Variants in CEP135 observed in about 807,000 individuals in gnomAD.
The protein encoded by CEP135 is centrosomal protein of 135 kDa.
A neutral mutation model predicts 157.3 loss-of-function variants in CEP135; 142 were observed. That is an observed-to-expected ratio of 0.90 (90% CI 0.79 to 1.04). The LOEUF (loss-of-function observed/expected upper bound fraction) is 1.04. CEP135 is among the 50% of genes least tolerant of loss of function. CEP135 has a pLI of 0.00. For missense variants in CEP135, 1,317 were observed against 1,309.2 expected, an observed-to-expected ratio of 1.01 and a Z score of -0.09; for synonymous variants, 396 against 439.8, an observed-to-expected ratio of 0.90 and a Z score of 1.25.
At chr4:55,954,065 A>G in intron 3 of CEP135, 151 bp from the exon 4 acceptor site, 1 of 603,258 alleles carries the variant, frequency 1.7e-6, no homozygotes, top group Non-Finnish European at 2.8e-6. Context: ...TGTTAATAAT[A>G]GTAGAAGAAG....
intron 3 of CEP135, among the ~76,000 whole-genome samples, chr4:55,953,922 T>C (rs1280180291): frequency 6.6e-6 from 1 of 152,218 alleles, no homozygotes; most frequent in African/African-American, 2.4e-5. Flanking sequence ...CTTTATCTAA[T>C]CCATGGTATG....
At chr4:55,988,217 G>C (rs901779355) in intron 14 of CEP135, among the ~76,000 whole-genome samples, 1 of 146,518 alleles carries the variant, frequency 6.8e-6, no homozygotes, top group South Asian at 2.4e-4. Context: ...ATCCCAATAA[G>C]AGTGTGGGGG....
chr4:55,972,486 T>C lies in CEP135; in HGVS notation c.1249+1078T>C, dbSNP rs569163871. ...GGAAATGGCACGTGCAGAAACTTGG[T>C]ACCATCAAACTCTGTGTGTCTTAGG... On this transcript the variant is annotated intron_variant, in intron 10 of 25. Transcript: ENST00000257287. 1.4e-4 allele frequency among the ~76,000 whole-genome samples: 21 copies of C among 152,336 alleles called. No homozygotes were observed. In the East Asian group the frequency reaches 3.7e-3, roughly 27 times the overall value.
intron 10 of CEP135, among the ~76,000 whole-genome samples, chr4:55,972,011 G>A (rs1002001966): frequency 3.9e-5 from 6 of 152,090 alleles, no homozygotes; most frequent in Non-Finnish European, 1.5e-5. Flanking sequence ...TTAACTGGGC[G>A]TGGTGGCATG....
At chr4:56,009,643 A>G in intron 18 of CEP135, 92 bp from the exon 19 acceptor site, 2 of 1,106,472 alleles carry the variant, frequency 1.8e-6, no homozygotes, top group South Asian at 1.6e-5. Context: ...GTATATTTGT[A>G]TTCTAAGTAT....
At chr4:55,950,927 GCAGCCCGCCTCACCTCCC>G (rs1480222243) in intron 1 of CEP135, among the ~76,000 whole-genome samples, 1 of 152,154 alleles carries the variant, frequency 6.6e-6, no homozygotes, top group Non-Finnish European at 1.5e-5. Flanking sequence ...CGGGCAATCT[GCAGCCCGCCTCACCTCCC>G]CAGACAACTC....
rs192775553 is a variant in CEP135 at position 55,988,402 on chromosome 4, G to A, written c.1857+3044G>A. On this transcript the variant is annotated intron_variant, in intron 14 of 25. Coordinates refer to ENST00000257287, the MANE Select transcript of CEP135 (RefSeq NM_025009.5). Reference sequence around the variant, plus strand: ...AGGCTGGGCATGATGGCTTACGCTTGTAATCCTAGCTCTTTGGGAGTCAGA... The same window carrying A: ...AGGCTGGGCATGATGGCTTACGCTTATAATCCTAGCTCTTTGGGAGTCAGA... 5.9e-5 allele frequency among the ~76,000 whole-genome samples: 9 copies of A among 152,324 alleles called. No individual in the cohort carries two copies. In the East Asian group the frequency reaches 1.5e-3, roughly 26 times the overall value.
chr4:56,013,570 AT>A (rs1043347206), intron 21 of CEP135, among the ~76,000 whole-genome samples: 3 of 152,088 alleles, frequency 2.0e-5, no homozygotes, highest in Non-Finnish European at 4.4e-5. Context: ...GCCCAGCATC[AT>A]TTTTTTGCAT....
intron 24 of CEP135, among the ~76,000 whole-genome samples, chr4:56,023,992 G>A (rs1731066520): frequency 7.2e-6 from 1 of 139,568 alleles, no homozygotes; most frequent in Admixed American, 7.4e-5. Flanking sequence ...TATATTGTAT[G>A]TTATATATTT....
Position 55,959,902 on chromosome 4 carries a change from G to C in CEP135, c.699+136G>C, listed in dbSNP as rs905599870. ...CTCTTTTTCATCAGGTTTGTTAATA[G>C]AGTTAATAGCTGGAATGGCTTAGGT... On this transcript the variant is annotated intron_variant, in intron 6 of 25. Coordinates refer to ENST00000257287, the MANE Select transcript of CEP135 (RefSeq NM_025009.5). The C allele has an allele frequency of 9.3e-6, 7 of 754,980 alleles. No individual in the cohort carries two copies. In the African/African-American group the frequency reaches 1.2e-4, roughly 13 times the overall value. 46.8% of individuals were successfully genotyped at this position (754,980 alleles called of 1,614,324 possible).
chr4:55,959,813 T>G, intron 6 of CEP135, 47 bp downstream of exon 6: 1 of 1,377,962 alleles, frequency 7.3e-7, no homozygotes. Flanking sequence ...ATAGGTATGC[T>G]GTGATTGTAA....
At chr4:55,970,538 G>A (rs1728998583) in intron 9 of CEP135, among the ~76,000 whole-genome samples, 1 of 152,190 alleles carries the variant, frequency 6.6e-6, no homozygotes, top group South Asian at 2.1e-4. Flanking sequence ...AAGGAAGCAT[G>A]AGAGCAAGGG....
chr4:55,979,089 T>C (rs1409449676), intron 11 of CEP135, among the ~76,000 whole-genome samples: 1 of 152,350 alleles, frequency 6.6e-6, no homozygotes, highest in East Asian at 1.9e-4. Flanking sequence ...CTACATTGTA[T>C]GTGGTATTGG....
chr4:55,973,297 C>G (rs1215655334), intron 10 of CEP135, among the ~76,000 whole-genome samples: 1 of 152,212 alleles, frequency 6.6e-6, no homozygotes, highest in Non-Finnish European at 1.5e-5. Context: ...GGAAATCTTA[C>G]ACTGTTCTCT....
rs1560425301 is a variant in CEP135, at chr4:56,019,440, GA to G, written c.3102del (p.Glu1034AspfsTer16). The G allele has an allele frequency of 3.1e-6, 5 of 1,613,828 alleles. No homozygotes were observed. Among genetic ancestry groups the G allele is most frequent in the Non-Finnish European group, 3.4e-6 (4 of 1,179,896 alleles). ...SNERHTVKNLESLLATNRDKE... is the reference protein window; with the variant it reads ...SNERHTVKNLXSLLATNRDKE... The stretch of plus-strand genomic sequence containing the variant: ...TGAGAGACATACAGTTAAAAACCTC[GA>G]ATCATTGTTGGCTACAAACAGAGAT... On this transcript the variant is annotated frameshift_variant, in exon 23 of 26. Coordinates refer to ENST00000257287, the MANE Select transcript of CEP135 (RefSeq NM_025009.5). LOFTEE classifies it high-confidence loss of function.
chr4:55,999,683 C>T (rs755985302), intron 17 of CEP135, 38 bp downstream of exon 17: 33 of 1,566,498 alleles, frequency 2.1e-5, no homozygotes, highest in Non-Finnish European at 2.7e-5. Context: ...AGCATCCAAA[C>T]AGAACAGTTT....
At chr4:55,955,104 G>A (rs1446995847) in intron 4 of CEP135, among the ~76,000 whole-genome samples, 1 of 151,926 alleles carries the variant, frequency 6.6e-6, no homozygotes, top group Non-Finnish European at 1.5e-5. Context: ...GAAATGATGG[G>A]CCACATCCAG....
intron 21 of CEP135, among the ~76,000 whole-genome samples, chr4:56,017,130 AT>A (rs1730803040): frequency 6.6e-6 from 1 of 152,022 alleles, no homozygotes; most frequent in African/African-American, 2.4e-5. Context: ...ATTATTTGAA[AT>A]TTTTTTCATT....
intron 21 of CEP135, among the ~76,000 whole-genome samples, chr4:56,015,932 G>A (rs866882232): frequency 1.3e-5 from 2 of 152,176 alleles, no homozygotes; most frequent in African/African-American, 4.8e-5. Flanking sequence ...AGAAAGATAC[G>A]TTGAAATCCT....
Sources: gnomAD v4.1 joint callset for allele counts (sites outside exome capture counted in the v4.1 genomes callset) on GRCh38, gnomAD v4.1.1 for gene constraint, MANE v1.5 for transcripts, NCBI Gene and HGNC (gene_info 2026-07-23, HGNC 2026-07-21) for gene names.